Variants in PCDH9 observed in about 807,000 individuals in gnomAD.
PCDH9 encodes the protein protocadherin-9.
Under a neutral mutation model 70.6 loss-of-function variants are expected in PCDH9, and 24 were observed. The ratio of observed to expected loss-of-function variants is 0.34; its 90% confidence interval spans 0.25 to 0.48. PCDH9 has a LOEUF of 0.48. PCDH9 is among the 20% of genes least tolerant of loss of function. PCDH9 has a pLI of 0.99. For synonymous variants in PCDH9, 562 were observed against 558.5 expected (o/e 1.01, Z -0.09); for missense variants, 1,281 against 1,503.6 (o/e 0.85, Z 2.45).
chr13:66,395,527 G>T (rs1461650060), intron 4 of PCDH9, among the ~76,000 whole-genome samples: 1 of 152,040 alleles, frequency 6.6e-6, no homozygotes, highest in Non-Finnish European at 1.5e-5. Flanking sequence ...TTGAACACGG[G>T]AGGCAGAGGT....
chr13:67,049,482 G>C (rs928188329), intron 2 of PCDH9, among the ~76,000 whole-genome samples: 1 of 152,106 alleles, frequency 6.6e-6, no homozygotes, highest in Non-Finnish European at 1.5e-5. Context: ...TTTTCTCAAG[G>C]GGCAGATTAT....
chr13:66,753,054 G>T (rs1159476), intron 3 of PCDH9, among the ~76,000 whole-genome samples: 76,847 of 151,916 alleles, frequency 0.51, 21,041 homozygotes, highest in Non-Finnish European at 0.63. Context: ...GATAGTGTTT[G>T]TTTTTCATTA....
chr13:66,796,610 AAGAG>A (rs1415575594), intron 3 of PCDH9, among the ~76,000 whole-genome samples: 1 of 148,894 alleles, frequency 6.7e-6, no homozygotes, highest in African/African-American at 2.4e-5. Flanking sequence ...TAATAAACTG[AAGAG>A]AGATTTTTAG....
intron 2 of PCDH9, among the ~76,000 whole-genome samples, chr13:67,048,217 T>C (rs1363125454): frequency 1.3e-5 from 2 of 152,194 alleles, no homozygotes; most frequent in African/African-American, 4.8e-5. Context: ...CCCTCATTCA[T>C]ATCCTAGTGG....
intron 4 of PCDH9, among the ~76,000 whole-genome samples, chr13:66,607,335 G>T (rs1364563112): frequency 2.6e-5 from 4 of 151,918 alleles, no homozygotes; most frequent in African/African-American, 9.7e-5. Flanking sequence ...GTATAAAACT[G>T]CCTAGTACAT....
At chr13:66,806,682 CT>C (rs2080415762) in intron 3 of PCDH9, among the ~76,000 whole-genome samples, 1 of 152,148 alleles carries the variant, frequency 6.6e-6, no homozygotes, top group South Asian at 2.1e-4. Context: ...AAGTGAAGCA[CT>C]TTATCTCTCT....
At chr13:67,123,552 A>G (rs2086916556) in intron 2 of PCDH9, among the ~76,000 whole-genome samples, 1 of 152,196 alleles carries the variant, frequency 6.6e-6, no homozygotes, top group African/African-American at 2.4e-5. Context: ...ATGTCTTACT[A>G]TAGTAATGTT....
rs559942362 is a variant in PCDH9, at chr13:67,110,272, C to T, written c.3036+115133G>A. ...GGTGCAGTGGCTGACACCTGTAATC[C>T]CAGCACTTTGGGAGGCCAAGGAAGG... On this transcript the variant is annotated intron_variant, in intron 2 of 4. Coordinates refer to ENST00000377865, the MANE Select transcript of PCDH9 (RefSeq NM_203487.3). Among the ~76,000 whole-genome samples, 31 of 151,468 alleles carry T rather than the reference C, an allele frequency of 2.0e-4. No homozygotes were observed. In the South Asian group the frequency reaches 4.6e-3, roughly 22 times the overall value.
intron 4 of PCDH9, among the ~76,000 whole-genome samples, chr13:66,587,262 T>C (rs948609569): frequency 2.0e-5 from 3 of 151,988 alleles, no homozygotes; most frequent in Non-Finnish European, 4.4e-5. Context: ...TGGACCACTG[T>C]ACTCCACTGT....
intron 3 of PCDH9, among the ~76,000 whole-genome samples, chr13:66,878,341 C>T (rs938950328): frequency 6.6e-6 from 1 of 152,044 alleles, no homozygotes; most frequent in Non-Finnish European, 1.5e-5. Flanking sequence ...ATTCTCCTGC[C>T]TCAGCCTCCC....
At position 67,177,196 on chromosome 13, in the gene PCDH9, A is replaced by T. The variant is rs571607476; in HGVS notation, c.3036+48209T>A. 6.6e-5 allele frequency among the ~76,000 whole-genome samples: 10 copies of T among 152,246 alleles called. No individual in the cohort carries two copies. In the South Asian group the frequency reaches 2.1e-3, roughly 32 times the overall value. On this transcript the variant is annotated intron_variant, in intron 2 of 4. Transcript: ENST00000377865. ...AGGATTTGGATTCACTTTATTAAAA[A>T]TTAAATTGAAAACACCTATCATTTC...
intron 4 of PCDH9, among the ~76,000 whole-genome samples, chr13:66,530,168 C>CT (rs1392399912): frequency 1.3e-5 from 2 of 152,028 alleles, no homozygotes; most frequent in Admixed American, 6.6e-5. Context: ...GCTCCTCCTA[C>CT]TTTTTTCTGA....
At chr13:67,178,026 T>G (rs922263855) in intron 2 of PCDH9, among the ~76,000 whole-genome samples, 1 of 152,032 alleles carries the variant, frequency 6.6e-6, no homozygotes, top group African/African-American at 2.4e-5. Context: ...ATGGAAAACA[T>G]CTTTGAAACA....
intron 4 of PCDH9, among the ~76,000 whole-genome samples, chr13:66,604,695 T>C (rs1265463635): frequency 6.6e-6 from 1 of 152,130 alleles, no homozygotes; most frequent in African/African-American, 2.4e-5. Context: ...TAATGAGAAC[T>C]GAATGTAGTA....
intron 2 of PCDH9, among the ~76,000 whole-genome samples, chr13:67,101,409 G>T (rs952660544): frequency 6.6e-6 from 1 of 152,116 alleles, no homozygotes; most frequent in Non-Finnish European, 1.5e-5. Flanking sequence ...AATGTAATAG[G>T]GTGATTAATA....
At chr13:66,690,829 A>C (rs2078473116) in intron 3 of PCDH9, among the ~76,000 whole-genome samples, 1 of 152,154 alleles carries the variant, frequency 6.6e-6, no homozygotes, top group South Asian at 2.1e-4. Flanking sequence ...AATGGAATTA[A>C]AGAGTCCCTG....
intron 3 of PCDH9, among the ~76,000 whole-genome samples, chr13:66,823,928 T>C (rs11838765): frequency 0.016 from 2,415 of 152,194 alleles, 76 homozygotes; most frequent in African/African-American, 0.055. Context: ...TGTTCATCCA[T>C]TCAACCTAAA....
intron 3 of PCDH9, among the ~76,000 whole-genome samples, chr13:66,742,886 A>G (rs1183621625): frequency 7.2e-6 from 1 of 137,996 alleles, no homozygotes; most frequent in African/African-American, 2.6e-5. Context: ...ACACTTTTAC[A>G]CTGTTGGTGG....
Position 66,319,535 on chromosome 13 carries a change from C to T in PCDH9, c.3341-14507G>A, listed in dbSNP as rs180853373. ...AGAAATGGCACTCAAAGGTATTAAT[C>T]GAAAAGAGTTTAATGAAGGAGCTTT... On this transcript the variant is annotated intron_variant, in intron 4 of 4. Coordinates refer to ENST00000377865, the MANE Select transcript of PCDH9 (RefSeq NM_203487.3). Among the ~76,000 whole-genome samples, 74 of 151,868 alleles carry T rather than the reference C, an allele frequency of 4.9e-4. 1 individual carries two copies. Among genetic ancestry groups the T allele is most frequent in the African/African-American group, 1.7e-3 (69 of 41,294 alleles).
Sources: allele counts gnomAD v4.1 joint callset (sites outside exome capture counted in the v4.1 genomes callset), GRCh38; gene constraint gnomAD v4.1.1; transcripts MANE v1.5; gene names NCBI Gene and HGNC (gene_info 2026-07-23, HGNC 2026-07-21).